Variants in MYO18B observed in about 807,000 individuals in gnomAD.
The protein encoded by MYO18B is unconventional myosin-XVIIIb.
MYO18B carries 204 observed loss-of-function variants against 273.0 expected under a neutral mutation model. The observed-to-expected ratio is 0.75, with a 90% confidence interval of 0.67 to 0.84. MYO18B has a LOEUF of 0.84. MYO18B is among the 40% of genes least tolerant of loss of function. The pLI is 0.00. For missense variants in MYO18B, 3,212 were observed against 3,287.6 expected (o/e 0.98, Z 0.56); for synonymous variants, 1,330 against 1,305.7 (o/e 1.02, Z -0.40).
chr22:25,915,928 A>AT (rs1370397260), intron 33 of MYO18B, among the ~76,000 whole-genome samples: 3 of 152,206 alleles, frequency 2.0e-5, no homozygotes, highest in Non-Finnish European at 2.9e-5. Flanking sequence ...TTCTGAGACA[A>AT]TTTTTTGTAA....
intron 27 of MYO18B, among the ~76,000 whole-genome samples, chr22:25,891,798 G>GGGA (rs576674769): frequency 6.5e-4 from 99 of 152,244 alleles, no homozygotes; most frequent in African/African-American, 2.3e-3. Context: ...AAGCTGAAGT[G>GGGA]GGAGGAGTGC....
At chr22:25,744,577 A>C (rs12484042) in intron 1 of MYO18B, among the ~76,000 whole-genome samples, 20,165 of 150,662 alleles carry the variant, frequency 0.13, 1,657 homozygotes, top group East Asian at 0.28. Flanking sequence ...TAAAAACACA[A>C]AAAAAAATTA....
At chr22:25,742,487 G>A (rs1053259288) in intron 1 of MYO18B, among the ~76,000 whole-genome samples, 194 bp downstream of exon 1, 2 of 152,122 alleles carry the variant, frequency 1.3e-5, no homozygotes, top group African/African-American at 4.8e-5. Context: ...GAAAACAAGA[G>A]TGTTTCGGTG....
intron 40 of MYO18B, among the ~76,000 whole-genome samples, chr22:25,999,085 C>T (rs1007656620): frequency 1.3e-5 from 2 of 152,186 alleles, no homozygotes; most frequent in Non-Finnish European, 2.9e-5. Context: ...CTCAAAACAA[C>T]TCTCTGAGGC....
At position 26,027,719 on chromosome 22, in the gene MYO18B, G is replaced by A; in HGVS notation, c.*12+29G>A. 1 of 1,545,960 alleles carries A rather than the reference G, an allele frequency of 6.5e-7. No individual in the cohort carries two copies. The highest frequency in any genetic ancestry group is 1.3e-5 in the South Asian group (1 of 79,162). On this transcript the variant is annotated intron_variant, in intron 43 of 43. Coordinates refer to ENST00000335473, the MANE Select transcript of MYO18B (RefSeq NM_032608.7). The surrounding 1 kb of genome is among the most constrained non-coding windows in gnomAD (Gnocchi z 4.1). ...AAAGCAACAGGCTGGGGCTATTCTTGGGGGAATGAGAGTTCACCTTGCAGC... is the reference window on the plus strand; with the variant it reads ...AAAGCAACAGGCTGGGGCTATTCTTAGGGGAATGAGAGTTCACCTTGCAGC...
chr22:26,047,868 AC>A, the MYO18B span, among the ~76,000 whole-genome samples: 1 of 151,988 alleles, frequency 6.6e-6, no homozygotes, highest in African/African-American at 2.4e-5. Flanking sequence ...GTCCCTGTTT[AC>A]CCCCTCTGAC....
chr22:25,850,846 C>A (rs890618445), intron 20 of MYO18B, among the ~76,000 whole-genome samples: 1 of 152,176 alleles, frequency 6.6e-6, no homozygotes, highest in Admixed American at 6.5e-5. Context: ...CTCTTCCATA[C>A]CAAGTTATTT....
At chr22:25,861,997 G>GA (rs1369126906) in intron 21 of MYO18B, among the ~76,000 whole-genome samples, 1 of 151,610 alleles carries the variant, frequency 6.6e-6, no homozygotes, top group African/African-American at 2.4e-5. Flanking sequence ...AAAATATTTG[G>GA]AAAAAAAAGG....
At chr22:25,766,384 A>G (rs963051625) in intron 3 of MYO18B, among the ~76,000 whole-genome samples, 1 of 152,192 alleles carries the variant, frequency 6.6e-6, no homozygotes, top group Non-Finnish European at 1.5e-5. Context: ...TGTGATTATT[A>G]CAAAGATGAA....
At chr22:25,939,153 A>G (rs1338921234) in intron 34 of MYO18B, among the ~76,000 whole-genome samples, 2 of 152,220 alleles carry the variant, frequency 1.3e-5, no homozygotes, top group African/African-American at 2.4e-5. Flanking sequence ...TGTGGCTAAC[A>G]TCATGTATGC....
intron 12 of MYO18B, among the ~76,000 whole-genome samples, chr22:25,818,568 A>G (rs1055783263): frequency 2.6e-5 from 4 of 152,198 alleles, no homozygotes; most frequent in African/African-American, 9.7e-5. Context: ...GCTTGAGAAG[A>G]AGTGACCTCA....
chr22:25,924,218 A>G (rs1192740936), intron 34 of MYO18B, among the ~76,000 whole-genome samples: 1 of 152,204 alleles, frequency 6.6e-6, no homozygotes, highest in Non-Finnish European at 1.5e-5. Flanking sequence ...CTCCTCTCCA[A>G]TGTACAGTAT....
chr22:25,872,316 C>T (rs550862447), intron 22 of MYO18B, among the ~76,000 whole-genome samples: 2 of 152,244 alleles, frequency 1.3e-5, no homozygotes, highest in East Asian at 3.9e-4. Flanking sequence ...TGCAGTTGAA[C>T]CTCGCACTTC....
chr22:25,941,156 A>G (rs1036048116), intron 34 of MYO18B, among the ~76,000 whole-genome samples: 1 of 152,202 alleles, frequency 6.6e-6, no homozygotes, highest in South Asian at 2.1e-4. Context: ...TTAAACTAAA[A>G]TCAAATCAGA....
intron 33 of MYO18B, among the ~76,000 whole-genome samples, chr22:25,921,017 A>G (rs2092332305): frequency 6.6e-6 from 1 of 152,196 alleles, no homozygotes; most frequent in South Asian, 2.1e-4. Context: ...TTGTACATTT[A>G]TTCTGTGTCA....
Position 26,027,835 on chromosome 22 carries a change from T to C in MYO18B, c.*12+145T>C. The C allele has an allele frequency of 1.2e-6, 1 of 842,526 alleles. No homozygotes were observed. The highest frequency in any genetic ancestry group is 1.8e-6 in the Non-Finnish European group (1 of 559,786). The allele number at this position is 842,526 out of a possible 1,614,324, so 52.2% of individuals were successfully genotyped here. A position where few individuals can be genotyped will look rare whatever the true frequency, so the allele number is the denominator to read the frequency against. ...TTTAGAGGTTTTAGCTGAAGTCATGTGTTGATGGATGCAAAGCTTTTCAGA... is the reference window on the plus strand; with the variant it reads ...TTTAGAGGTTTTAGCTGAAGTCATGCGTTGATGGATGCAAAGCTTTTCAGA... On this transcript the variant is annotated intron_variant, in intron 43 of 43. Transcript: ENST00000335473. This position sits in a 1 kb window ranked among gnomAD's most constrained non-coding sequence, Gnocchi z 4.1.
chr22:25,917,999 TGCATA>T (rs2092288222), intron 33 of MYO18B, among the ~76,000 whole-genome samples: 1 of 152,234 alleles, frequency 6.6e-6, no homozygotes, highest in Non-Finnish European at 1.5e-5. Flanking sequence ...TGCCCAGGAT[TGCATA>T]GCAAGTTAGT....
intron 39 of MYO18B, among the ~76,000 whole-genome samples, chr22:25,974,939 G>T (rs1358948316): frequency 1.3e-5 from 2 of 152,218 alleles, no homozygotes; most frequent in East Asian, 3.8e-4. Context: ...AGCGATCCCT[G>T]ACACTGGGAG....
rs776437070 is a variant in MYO18B at position 25,908,283 on chromosome 22, G to A, written c.5149-39G>A. The A allele has an allele frequency of 2.2e-5, 33 of 1,497,848 alleles. No homozygotes were observed. The Admixed American group carries it at 6.5e-4, about 29-fold the overall frequency. The allele number at this position is 1,497,848 out of a possible 1,614,324, so 92.8% of individuals were successfully genotyped here. On this transcript the variant is annotated intron_variant, in intron 31 of 43. Coordinates refer to ENST00000335473, the MANE Select transcript of MYO18B (RefSeq NM_032608.7). ...GACATGGAGGGCTTGGAGAGTTAGA[G>A]TGGGTCACCCTCACGTGCTGTCCTT...
Sources: gnomAD v4.1 joint callset for allele counts (sites outside exome capture counted in the v4.1 genomes callset) on GRCh38, gnomAD v4.1.1 for gene constraint, Gnocchi (gnomAD v3.1) non-coding constraint, MANE v1.5 for transcripts, NCBI Gene and HGNC (gene_info 2026-07-23, HGNC 2026-07-21) for gene names.